NDST4: variants seen among roughly 807,000 people sequenced by gnomAD.
The protein encoded by NDST4 is N-deacetylase and N-sulfotransferase 4.
Under a neutral mutation model 100.8 loss-of-function variants are expected in NDST4, and 63 were observed. The observed-to-expected ratio is 0.62, with a 90% CI of 0.51 to 0.77. The LOEUF (loss-of-function observed/expected upper bound fraction) is 0.77. NDST4 is among the 30% of genes least tolerant of loss of function. The pLI, the probability that NDST4 is intolerant of heterozygous loss-of-function variation, is 0.00. For synonymous variants in NDST4, 377 were observed against 361.8 expected (o/e 1.04, Z -0.48); for missense variants, 943 against 1,018.4 (o/e 0.93, Z 1.01).
At chr4:115,032,125 G>C (rs1728129550) in intron 2 of NDST4, among the ~76,000 whole-genome samples, 1 of 152,030 alleles carries the variant, frequency 6.6e-6, no homozygotes, top group Non-Finnish European at 1.5e-5. Flanking sequence ...TGACTTTGCA[G>C]AAACAAATCA....
intron 4 of NDST4, among the ~76,000 whole-genome samples, chr4:114,942,784 A>AT (rs1205077046): frequency 6.6e-6 from 1 of 151,870 alleles, no homozygotes; most frequent in African/African-American, 2.4e-5. Flanking sequence ...TCCAAGAATG[A>AT]TTTTTCTAAT....
chr4:114,885,954 T>C (rs28410117), intron 6 of NDST4, among the ~76,000 whole-genome samples: 13,542 of 151,972 alleles, frequency 0.089, 1,775 homozygotes, highest in African/African-American at 0.28. Context: ...GTAAAGCCTA[T>C]GAATTAAAAA....
chr4:114,965,408 T>C (rs1726358836), intron 4 of NDST4, among the ~76,000 whole-genome samples: 1 of 152,208 alleles, frequency 6.6e-6, no homozygotes, highest in Non-Finnish European at 1.5e-5. Context: ...TAGATTTGTG[T>C]TTTTATGAGA....
intron 1 of NDST4, among the ~76,000 whole-genome samples, chr4:115,095,359 C>G (rs978549806): frequency 6.6e-6 from 1 of 152,158 alleles, no homozygotes; most frequent in African/African-American, 2.4e-5. Flanking sequence ...TATTTCCTTA[C>G]ATGGTGAAAT....
chr4:114,973,858 T>A (rs1243641197), intron 3 of NDST4, among the ~76,000 whole-genome samples: 1 of 151,824 alleles, frequency 6.6e-6, no homozygotes, highest in Non-Finnish European at 1.5e-5. Context: ...ATTTTCCTTG[T>A]ACATCGAACC....
chr4:115,043,904 C>T (rs1026551451), intron 2 of NDST4, among the ~76,000 whole-genome samples: 6 of 152,016 alleles, frequency 3.9e-5, no homozygotes, highest in Admixed American at 1.3e-4. Context: ...AGATGTTATA[C>T]GACTGGCTTT....
At chr4:115,015,455 T>C (rs1727655248) in intron 2 of NDST4, among the ~76,000 whole-genome samples, 1 of 152,086 alleles carries the variant, frequency 6.6e-6, no homozygotes, top group Admixed American at 6.6e-5. Flanking sequence ...AAATGGCCAA[T>C]TATGCAGTAA....
At chr4:114,916,536 C>CTGTGTGTGTGTGTGTGTG (rs537961796) in intron 6 of NDST4, among the ~76,000 whole-genome samples, 1 of 129,050 alleles carries the variant, frequency 7.7e-6, no homozygotes, top group Admixed American at 7.9e-5. Context: ...CTGGTAGGCT[C>CTGTGTGTGTGTGTGTGTG]TGTGTGTGTG....
intron 2 of NDST4, among the ~76,000 whole-genome samples, chr4:115,017,582 C>A (rs1267056776): frequency 6.6e-6 from 1 of 151,978 alleles, no homozygotes; most frequent in Non-Finnish European, 1.5e-5. Context: ...TTGGGAAACA[C>A]CAGATATAAA....
At position 115,003,121 on chromosome 4, in the gene NDST4, A is replaced by G. The variant is rs186189478; in HGVS notation, c.979-25847T>C. 6.5e-3 allele frequency among the ~76,000 whole-genome samples: 990 copies of G among 152,218 alleles called. 14 individuals carry two copies. The highest frequency in any genetic ancestry group is 0.022 in the African/African-American group (929 of 41,534). ...GGAGGGAGAGCATTAGGACAAATAC[A>G]TAATGCATGCGGGGCTTAAAACCTA... On this transcript the variant is annotated intron_variant, in intron 2 of 13. Coordinates refer to ENST00000264363, the MANE Select transcript of NDST4 (RefSeq NM_022569.3).
intron 2 of NDST4, among the ~76,000 whole-genome samples, chr4:114,980,843 A>G (rs914066308): frequency 1.3e-5 from 2 of 152,096 alleles, no homozygotes; most frequent in African/African-American, 4.8e-5. Context: ...ATTTATAAAA[A>G]TCAATAATTT....
intron 7 of NDST4, among the ~76,000 whole-genome samples, chr4:114,868,571 CT>C (rs1724082087): frequency 1.3e-5 from 2 of 151,986 alleles, no homozygotes; most frequent in Admixed American, 6.6e-5. Context: ...CTCCCTTTAA[CT>C]TAACTACTCT....
intron 4 of NDST4, among the ~76,000 whole-genome samples, chr4:114,966,280 T>A (rs1350120534): frequency 5.3e-5 from 8 of 152,018 alleles, no homozygotes; most frequent in Non-Finnish European, 1.0e-4. Context: ...CATATACATA[T>A]TCACATGGCA....
chr4:115,097,033 G>T (rs190344323), intron 1 of NDST4, among the ~76,000 whole-genome samples: 3 of 151,934 alleles, frequency 2.0e-5, no homozygotes, highest in Admixed American at 1.3e-4. Flanking sequence ...CTAGGAAATC[G>T]TATATTTCAG....
intron 1 of NDST4, among the ~76,000 whole-genome samples, chr4:115,078,082 A>C (rs1365086341): frequency 1.3e-5 from 2 of 152,208 alleles, no homozygotes; most frequent in Admixed American, 1.3e-4. Flanking sequence ...AAAAAAAATG[A>C]ATGTAGAATG....
intron 4 of NDST4, among the ~76,000 whole-genome samples, chr4:114,969,730 T>C (rs1233087076): frequency 6.6e-6 from 1 of 152,206 alleles, no homozygotes; most frequent in Non-Finnish European, 1.5e-5. Context: ...GATAGGCATT[T>C]AGGTTGATTC....
In NDST4 at chr4:115,041,518, G is replaced by T. The variant is rs184062349; in HGVS notation, c.978+34541C>A. Among the ~76,000 whole-genome samples the T allele has an allele frequency of 1.0e-3, 159 of 152,112 alleles. 2 individuals carry two copies. The highest frequency in any genetic ancestry group is 4.4e-3 in the Admixed American group (67 of 15,246). On this transcript the variant is annotated intron_variant, in intron 2 of 13. Transcript: ENST00000264363. ...ATGCATCAGTTCAAGGTGATTTCTGGTTAGCTGTGTGCTGACAGGCTAGCT... is the reference window on the plus strand; with the variant it reads ...ATGCATCAGTTCAAGGTGATTTCTGTTTAGCTGTGTGCTGACAGGCTAGCT...
chr4:115,005,080 G>A (rs1560854810), intron 2 of NDST4, among the ~76,000 whole-genome samples: 1 of 151,724 alleles, frequency 6.6e-6, no homozygotes, highest in Non-Finnish European at 1.5e-5. Context: ...AATATTTATG[G>A]GATACCTATT....
At chr4:114,888,152 G>A (rs1360143553) in intron 6 of NDST4, among the ~76,000 whole-genome samples, 1 of 151,932 alleles carries the variant, frequency 6.6e-6, no homozygotes, top group Non-Finnish European at 1.5e-5. Flanking sequence ...GCAATGAGCC[G>A]AGATGGTGCC....
Sources: gnomAD v4.1 joint callset for allele counts (sites outside exome capture counted in the v4.1 genomes callset) on GRCh38, gnomAD v4.1.1 for gene constraint, MANE v1.5 for transcripts, NCBI Gene and HGNC (gene_info 2026-07-23, HGNC 2026-07-21) for gene names.